Variants in KRT80 observed in about 807,000 individuals in gnomAD.
KRT80 encodes keratin 80, also known as keratin, type II cytoskeletal 80.
KRT80 carries 36 observed loss-of-function variants against 51.5 expected under a neutral mutation model. The observed-to-expected ratio is 0.70, with a 90% CI of 0.54 to 0.92. The LOEUF is 0.92. KRT80 is among the 40% of genes least tolerant of loss of function. The probability of loss-of-function intolerance (pLI) is 0.00; values close to 1 mark genes in which losing one functional copy is unlikely to be tolerated. For synonymous variants in KRT80, 235 were observed against 248.3 expected (o/e 0.95, Z 0.50); for missense variants, 566 against 591.7 (o/e 0.96, Z 0.45).
intron 6 of KRT80, among the ~76,000 whole-genome samples, chr12:52,172,623 A>G (rs559044300): frequency 5.3e-5 from 8 of 152,212 alleles, no homozygotes; most frequent in Non-Finnish European, 1.0e-4. Context: ...GGCCAGAGGA[A>G]AGCACCGCAA....
At chr12:52,171,596 A>G in intron 8 of KRT80, 62 bp downstream of exon 8, 1 of 1,610,540 alleles carries the variant, frequency 6.2e-7, no homozygotes, top group Non-Finnish European at 8.5e-7. Flanking sequence ...TGCCTTTAGG[A>G]TCATGATCCC....
chr12:52,184,234 A>G (rs909608869), intron 2 of KRT80, among the ~76,000 whole-genome samples: 5 of 152,166 alleles, frequency 3.3e-5, no homozygotes, highest in Non-Finnish European at 5.9e-5. Flanking sequence ...GGGGAGACCA[A>G]GGGTTCAGCC....
chr12:52,174,012 A>G (rs1303486289), intron 4 of KRT80, among the ~76,000 whole-genome samples: 1 of 152,042 alleles, frequency 6.6e-6, no homozygotes, highest in Non-Finnish European at 1.5e-5. Context: ...GCAGGCTGGG[A>G]CTGTTGGTTT....
intron 4 of KRT80, 113 bp downstream of exon 4, chr12:52,180,400 A>C (rs1941298049): frequency 1.3e-5 from 8 of 617,302 alleles, no homozygotes; most frequent in Non-Finnish European, 2.1e-5. Flanking sequence ...TGGAAATTGT[A>C]AGTGACTGTT....
chr12:52,189,089 G>A (rs969410690), intron 1 of KRT80, among the ~76,000 whole-genome samples: 3 of 152,174 alleles, frequency 2.0e-5, no homozygotes, highest in African/African-American at 7.2e-5. Flanking sequence ...CCTCCTGAGA[G>A]TCTCTGCTCC....
At chr12:52,190,882 A>T (rs1941469081) in intron 1 of KRT80, among the ~76,000 whole-genome samples, 1 of 152,156 alleles carries the variant, frequency 6.6e-6, no homozygotes, top group African/African-American at 2.4e-5. Flanking sequence ...GCAGAGGTGG[A>T]CACGAGTGCC....
intron 4 of KRT80, 39 bp from the exon 5 acceptor site, chr12:52,173,803 G>A: frequency 1.3e-6 from 2 of 1,594,842 alleles, no homozygotes; most frequent in South Asian, 2.2e-5. Flanking sequence ...GGCTGGTGGG[G>A]AGGGCACAAG....
At chr12:52,180,749 A>T in intron 3 of KRT80, 141 bp from the exon 4 acceptor site, 1 of 1,587,364 alleles carries the variant, frequency 6.3e-7, no homozygotes, top group South Asian at 1.1e-5. Flanking sequence ...AAGGAGCTGG[A>T]TGGGGATGGG....
In KRT80 at chr12:52,180,846, G is replaced by T. The variant is rs60385381; in HGVS notation, c.570+57C>A. 1,628 of 1,611,988 alleles carry T rather than the reference G, an allele frequency of 1.0e-3. 14 individuals are homozygous for T. In the African/African-American group the frequency reaches 0.02, roughly 20 times the overall value. On this transcript the variant is annotated intron_variant, in intron 3 of 8. Coordinates refer to ENST00000394815, the MANE Select transcript of KRT80 (RefSeq NM_182507.3). ...TAAAGGAGAGTAGGATATCTGGAGGGAAAGAGGGCCCAGGGCCCATGAGGA... is the reference window on the plus strand; with the variant it reads ...TAAAGGAGAGTAGGATATCTGGAGGTAAAGAGGGCCCAGGGCCCATGAGGA...
intron 2 of KRT80, among the ~76,000 whole-genome samples, chr12:52,184,801 G>A (rs1941377020): frequency 6.6e-6 from 1 of 152,210 alleles, no homozygotes; most frequent in African/African-American, 2.4e-5. Context: ...AAGGCACCTT[G>A]CATACTGGGG....
chr12:52,187,962 G>A (rs745412931), intron 1 of KRT80, among the ~76,000 whole-genome samples: 6 of 152,138 alleles, frequency 3.9e-5, no homozygotes, highest in African/African-American at 9.7e-5. Context: ...GCACTAGCTC[G>A]CTGGGACATG....
At chr12:52,189,973 C>G (rs1276663176) in intron 1 of KRT80, among the ~76,000 whole-genome samples, 1 of 152,222 alleles carries the variant, frequency 6.6e-6, no homozygotes, top group East Asian at 1.9e-4. Flanking sequence ...CTCAGTGAAG[C>G]ATTCCTTCTA....
At chr12:52,180,074 C>T (rs1005888933) in intron 4 of KRT80, among the ~76,000 whole-genome samples, 9 of 152,138 alleles carry the variant, frequency 5.9e-5, no homozygotes, top group Non-Finnish European at 7.3e-5. Flanking sequence ...ATGGGGAAAA[C>T]GGAAAGGCAG....
chr12:52,176,777 G>A (rs539626453), intron 4 of KRT80, among the ~76,000 whole-genome samples: 29 of 152,274 alleles, frequency 1.9e-4, no homozygotes, highest in Non-Finnish European at 3.7e-4. Flanking sequence ...CACTGTGCCC[G>A]GCCAATCACT....
chr12:52,173,450 G>T (rs1282586655), intron 5 of KRT80, 150 bp downstream of exon 5: 3 of 438,912 alleles, frequency 6.8e-6, no homozygotes, highest in Non-Finnish European at 1.3e-5. Context: ...GTCTCCCCCC[G>T]CCCGCCCCGT....
intron 4 of KRT80, among the ~76,000 whole-genome samples, chr12:52,176,329 G>A (rs951349277): frequency 6.6e-6 from 1 of 152,154 alleles, no homozygotes; most frequent in Non-Finnish European, 1.5e-5. Flanking sequence ...TACAGTTTAG[G>A]GTTTCCCTTA....
chr12:52,191,889 G>T lies in KRT80; in HGVS notation c.14C>A (p.Ser5Tyr). 1 of 1,487,154 alleles carries T rather than the reference G, an allele frequency of 6.7e-7. No individual in the cohort carries two copies. The highest frequency in any genetic ancestry group is 1.4e-5 in the African/African-American group (1 of 71,342). The allele number at this position is 1,487,154 out of a possible 1,614,324, so 92.1% of individuals were successfully genotyped here. A position where few individuals can be genotyped will look rare whatever the true frequency, so the allele number is the denominator to read the frequency against. Residue 5 changes from serine (S) to tyrosine (Y), a missense_variant, in exon 1 of 9, where the codon TCC (serine) becomes TAC (tyrosine). Ser to Tyr is a moderately radical substitution (Grantham distance 144). Transcript: ENST00000394815. MACR[S>Y]CVVGFSSLSS... ...GAGGCTGCTGAAGCCAACCACGCAGGAGCGGCAGGCCATGGTGCCCCCGGC... is the reference window on the plus strand; with the variant it reads ...GAGGCTGCTGAAGCCAACCACGCAGTAGCGGCAGGCCATGGTGCCCCCGGC...
Position 52,191,757 on chromosome 12 carries a change from C to T in KRT80, c.146G>A (p.Cys49Tyr), listed in dbSNP as rs764270413. ...PGFSSRSLTG[C>Y]WSAGTISKVT... ...CTTGGAGATAGTGCCAGCCGACCAG[C>T]AGCCTGTGAGGCTGCGGGAGCTGAA... The change falls in exon 1 of 9, where the codon TGC becomes TAC. Residue 49 changes from cysteine (C) to tyrosine (Y), a missense_variant. Coordinates refer to ENST00000394815, the MANE Select transcript of KRT80 (RefSeq NM_182507.3). 1.2e-6 allele frequency: 2 copies of T among 1,613,318 alleles called. No homozygotes were observed. Among genetic ancestry groups the T allele is most frequent in the Non-Finnish European group, 1.7e-6 (2 of 1,179,838 alleles).
At chr12:52,175,660 G>A (rs1391312154) in intron 4 of KRT80, among the ~76,000 whole-genome samples, 1 of 152,116 alleles carries the variant, frequency 6.6e-6, no homozygotes, top group Non-Finnish European at 1.5e-5. Flanking sequence ...CCCTCTGGGG[G>A]ACAGCCTGTC....
Sources: gnomAD v4.1 joint callset for allele counts (sites outside exome capture counted in the v4.1 genomes callset) on GRCh38, gnomAD v4.1.1 for gene constraint, MANE v1.5 for transcripts, NCBI Gene and HGNC (gene_info 2026-07-23, HGNC 2026-07-21) for gene names.